The following GRIK5 variants were observed in gnomAD, a reference collection of about 807,000 sequenced individuals.
GRIK5 encodes glutamate receptor ionotropic, kainate 5.
In GRIK5, 43 loss-of-function variants were observed where a neutral mutation model predicts 97.4. That is an observed-to-expected ratio of 0.44 (90% CI 0.35 to 0.57). The LOEUF is 0.57. GRIK5 is among the 20% of genes least tolerant of loss of function. The pLI is 0.01. For synonymous variants in GRIK5, 580 were observed against 583.5 expected (o/e 0.99, Z 0.09); for missense variants, 1,015 against 1,382.0 (o/e 0.73, Z 4.21).
rs972194070 is a variant in GRIK5, at chr19:41,999,294, C to G, written c.2520G>C (p.Ser840=). ...TRRSAESEEV[S]VCQEMLQELR... ...GCTCCTGCAGCATCTCCTGGCACAC[C>G]GACACCTGGGGGTGGCGCGGGCGGT... is the stretch of plus-strand genomic sequence containing the variant. Residue 840 remains serine (S), a synonymous_variant, in exon 20 of 20, where the codon TCG becomes TCC. Transcript: ENST00000593562. The surrounding 1 kb of genome is among the most constrained non-coding windows in gnomAD (Gnocchi z 5.0). 2.0e-6 allele frequency: 3 copies of G among 1,517,708 alleles called. No homozygotes were observed. Among genetic ancestry groups the G allele is most frequent in the Non-Finnish European group, 2.6e-6 (3 of 1,139,692 alleles). 94.0% of individuals were successfully genotyped at this position (1,517,708 alleles called of 1,614,324 possible).
At chr19:42,037,418 C>T (rs1271670234) in intron 12 of GRIK5, among the ~76,000 whole-genome samples, 2 of 152,200 alleles carry the variant, frequency 1.3e-5, no homozygotes, top group Middle Eastern at 3.2e-3. Flanking sequence ...GAGATCACGC[C>T]ACTGCACTCC....
chr19:42,002,314 G>T lies in GRIK5; in HGVS notation c.2514+1018C>A, dbSNP rs2075432473. 1.4e-6 allele frequency: 1 copy of T among 717,608 alleles called. No individual in the cohort carries two copies. The highest frequency in any genetic ancestry group is 2.6e-6 in the Non-Finnish European group (1 of 385,116). The allele number at this position is 717,608 out of a possible 1,614,324, so 44.5% of individuals were successfully genotyped here. ...GGGAGGGAAAGTGAGGTCAGGAGAG[G>T]GTTTAAGACTGGAGAAATGACAGCA... On this transcript the variant is annotated intron_variant, in intron 19 of 19. Transcript: ENST00000593562. This position sits in a 1 kb window ranked among gnomAD's most constrained non-coding sequence, Gnocchi z 5.2.
At chr19:42,060,463 C>T (rs1321862208) in intron 5 of GRIK5, among the ~76,000 whole-genome samples, 1 of 149,448 alleles carries the variant, frequency 6.7e-6, no homozygotes, top group Non-Finnish European at 1.5e-5. Context: ...GTGTGGGGTG[C>T]AACTTTAAAT....
At position 42,062,449 on chromosome 19, in the gene GRIK5, C is replaced by G; in HGVS notation, c.508+39G>C. ...CACCAGATCTCTTGGGAAGGGGTGT[C>G]TGGGGGAACAGAAAACAAAACATTC... On this transcript the variant is annotated intron_variant, in intron 5 of 19. Coordinates refer to ENST00000593562, the MANE Select transcript of GRIK5 (RefSeq NM_002088.5). The surrounding 1 kb of genome is among the most constrained non-coding windows in gnomAD (Gnocchi z 5.3). 3 of 1,607,840 alleles carry G rather than the reference C, an allele frequency of 1.9e-6. No homozygotes were observed. The highest frequency in any genetic ancestry group is 2.6e-6 in the Non-Finnish European group (3 of 1,176,148).
In GRIK5 at chr19:42,059,424, C is replaced by T. The variant is rs771455128; in HGVS notation, c.612G>A (p.Lys204=). The change falls in exon 6 of 20, where the codon AAG becomes AAA. Residue 204 remains lysine (K), a synonymous_variant. Coordinates refer to ENST00000593562, the MANE Select transcript of GRIK5 (RefSeq NM_002088.5). The part of the protein sequence containing the change: ...DDSRDPTPLL[K]EIRDDKVSTI... ...TGGACACCTTGTCATCACGGATCTC[C>T]TTGAGCAGTGGTGTGGGGTCCCGGC... The T allele has an allele frequency of 6.2e-7, 1 of 1,613,972 alleles. No individual in the cohort carries two copies. Among genetic ancestry groups the T allele is most frequent in the Non-Finnish European group, 8.5e-7 (1 of 1,179,936 alleles).
At chr19:42,039,192 G>A (rs890923841) in intron 12 of GRIK5, among the ~76,000 whole-genome samples, 10 of 152,166 alleles carry the variant, frequency 6.6e-5, no homozygotes, top group Non-Finnish European at 1.5e-4. Context: ...CTTCAAGGGT[G>A]GCCGGGCATG....
At chr19:42,030,843 C>T (rs1428135199) in intron 12 of GRIK5, among the ~76,000 whole-genome samples, 1 of 152,166 alleles carries the variant, frequency 6.6e-6, no homozygotes, top group Non-Finnish European at 1.5e-5. Context: ...TTAATGCCAA[C>T]TGCACTGACT....
chr19:42,043,176 G>A (rs1457255668), intron 11 of GRIK5, among the ~76,000 whole-genome samples: 1 of 152,068 alleles, frequency 6.6e-6, no homozygotes, highest in East Asian at 1.9e-4. Context: ...ATGAACACAC[G>A]TAACTAGACT....
chr19:42,022,746 G>A lies in GRIK5; in HGVS notation c.1474-392C>T, dbSNP rs1051009654. On this transcript the variant is annotated intron_variant, in intron 12 of 19. Transcript: ENST00000593562. This position sits in a 1 kb window ranked among gnomAD's most constrained non-coding sequence, Gnocchi z 4.2. ...ACTCGAGATAATACAGGCCCGGACA[G>A]AACACAGAGCAGGGAGAGAGGAGGC... 98 of 796,980 alleles carry A rather than the reference G, an allele frequency of 1.2e-4. No homozygotes were observed. Among genetic ancestry groups the A allele is most frequent in the Non-Finnish European group, 1.4e-4 (95 of 658,476 alleles). 49.4% of individuals were successfully genotyped at this position (796,980 alleles called of 1,614,324 possible). A position where few individuals can be genotyped will look rare whatever the true frequency, so the allele number is the denominator to read the frequency against.
chr19:42,053,380 G>C (rs986468382), intron 11 of GRIK5, among the ~76,000 whole-genome samples: 1 of 152,254 alleles, frequency 6.6e-6, no homozygotes, highest in Non-Finnish European at 1.5e-5. Context: ...TGTGCAAAGA[G>C]CTGGGTTAAA....
At chr19:42,023,628 C>G (rs2075730729) in intron 12 of GRIK5, among the ~76,000 whole-genome samples, 1 of 152,138 alleles carries the variant, frequency 6.6e-6, no homozygotes, top group South Asian at 2.1e-4. Context: ...ATCCTTTGTT[C>G]CCACACTGGC....
At chr19:42,069,212 A>G in intron 1 of GRIK5, 29 bp downstream of exon 1, 1 of 329,640 alleles carries the variant, frequency 3.0e-6, no homozygotes, top group African/African-American at 2.1e-5. Context: ...CCCAGAACCC[A>G]GCCCAATCCC....
intron 12 of GRIK5, among the ~76,000 whole-genome samples, chr19:42,036,972 A>G (rs2075913966): frequency 6.6e-6 from 1 of 152,216 alleles, no homozygotes; most frequent in Non-Finnish European, 1.5e-5. Context: ...CAGAGGGGGC[A>G]GCCACCTGCC....
intron 5 of GRIK5, among the ~76,000 whole-genome samples, chr19:42,061,215 C>A (rs2076254891): frequency 6.6e-6 from 1 of 152,114 alleles, no homozygotes; most frequent in Non-Finnish European, 1.5e-5. Flanking sequence ...ACCCGGCTAA[C>A]TTTTTGTATT....
chr19:42,062,584 G>C lies in GRIK5; in HGVS notation c.412C>G (p.Leu138Val), dbSNP rs775329211. ...CTGACGTCCTCGTTACTGGGGTACA[G>C]GCTGACAGACGCGAAGCGAAGGTAC... The part of the protein sequence containing the change: ...LQYLRFASVS[L>V]YPSNEDVSLA... The change falls in exon 5 of 20, where the codon CTG becomes GTG. Residue 138 changes from leucine to valine, a missense_variant. Physicochemically the swap from Leu to Val is conservative, Grantham distance 32. This residue lies in a region of GRIK5 where 198 missense variants were observed against 218.2 expected (regional missense o/e 0.91). Transcript: ENST00000593562. This position sits in a 1 kb window ranked among gnomAD's most constrained non-coding sequence, Gnocchi z 5.3. 6.2e-7 allele frequency: 1 copy of C among 1,614,192 alleles called. No homozygotes were observed. Among genetic ancestry groups the C allele is most frequent in the Non-Finnish European group, 8.5e-7 (1 of 1,180,014 alleles).
intron 11 of GRIK5, among the ~76,000 whole-genome samples, chr19:42,051,750 G>A (rs1778572822): frequency 1.3e-5 from 2 of 152,184 alleles, no homozygotes; most frequent in Non-Finnish European, 2.9e-5. Flanking sequence ...ACCAGCGAAT[G>A]AACAGGGCTT....
In GRIK5 at chr19:42,002,185, G is replaced by T. The variant is rs782756195; in HGVS notation, c.2514+1147C>A. On this transcript the variant is annotated intron_variant, in intron 19 of 19. Coordinates refer to ENST00000593562, the MANE Select transcript of GRIK5 (RefSeq NM_002088.5). The surrounding 1 kb of genome is among the most constrained non-coding windows in gnomAD (Gnocchi z 5.2). ...GCAGGGACCGATGCCAGACTGGAGT[G>T]GGGGGCAAGAGGAAATGGGAGGAAA... 1.4e-6 allele frequency: 1 copy of T among 717,578 alleles called. No individual in the cohort carries two copies. The highest frequency in any genetic ancestry group is 1.5e-5 in the South Asian group (1 of 67,602). 44.5% of individuals were successfully genotyped at this position (717,578 alleles called of 1,614,324 possible).
intron 12 of GRIK5, among the ~76,000 whole-genome samples, chr19:42,033,317 C>CAAA (rs1006793815): frequency 6.2e-4 from 26 of 42,026 alleles, no homozygotes; most frequent in Middle Eastern, 0.012. Flanking sequence ...GACTCCGTCT[C>CAAA]AAAAAAAAAA....
chr19:42,056,917 A>T lies in GRIK5; in HGVS notation c.741+8T>A. 1.9e-6 allele frequency: 3 copies of T among 1,596,128 alleles called. No homozygotes were observed. The highest frequency in any genetic ancestry group is 2.6e-6 in the Non-Finnish European group (3 of 1,170,902). On this transcript the variant is annotated splice_region_variant and intron_variant, in intron 7 of 19. Transcript: ENST00000593562. ...TGGGGGCAGAGATGGGCCAGAGGGCATACACACCATGGTGGTGAGGATGTA... is the reference window on the plus strand; with the variant it reads ...TGGGGGCAGAGATGGGCCAGAGGGCTTACACACCATGGTGGTGAGGATGTA...
Sources: allele counts gnomAD v4.1 joint callset (sites outside exome capture counted in the v4.1 genomes callset), GRCh38; gene constraint gnomAD v4.1.1; regional missense constraint gnomAD v4.1.1; non-coding constraint Gnocchi (gnomAD v3.1); transcripts MANE v1.5; gene names NCBI Gene and HGNC (gene_info 2026-07-23, HGNC 2026-07-21).